PDK1: variants seen among roughly 807,000 people sequenced by gnomAD.
PDK1 encodes pyruvate dehydrogenase kinase 1.
In PDK1, 39 loss-of-function variants were observed where a neutral mutation model predicts 54.2. That is an observed-to-expected ratio of 0.72 (90% confidence interval 0.56 to 0.94). The LOEUF is 0.94. PDK1 is among the 40% of genes least tolerant of loss of function. The pLI is 0.00. For missense variants in PDK1, 552 were observed against 566.0 expected (o/e 0.98, Z 0.25); for synonymous variants, 221 against 207.1 (o/e 1.07, Z -0.58).
the PDK1 span, among the ~76,000 whole-genome samples, chr2:172,660,782 C>G: frequency 1.3e-5 from 2 of 151,974 alleles, no homozygotes; most frequent in East Asian, 3.9e-4. Flanking sequence ...GCTCGAGCCT[C>G]TCTTTGTCCA....
chr2:172,706,366 G>A, the PDK1 span, among the ~76,000 whole-genome samples: 1 of 147,778 alleles, frequency 6.8e-6, no homozygotes, highest in Non-Finnish European at 1.5e-5. Flanking sequence ...TAAAATCTTT[G>A]TCAGACAATT....
chr2:172,562,094 A>G, intron 2 of PDK1, 126 bp from the exon 3 acceptor site: 3 of 562,356 alleles, frequency 5.3e-6, no homozygotes, highest in Non-Finnish European at 9.4e-6. Flanking sequence ...TACTTCAACC[A>G]TAATTTATAG....
the PDK1 span, among the ~76,000 whole-genome samples, chr2:172,692,205 G>A: frequency 6.6e-6 from 1 of 152,172 alleles, no homozygotes; most frequent in East Asian, 1.9e-4. Flanking sequence ...GTCTTAACCT[G>A]TATGAAGAGA....
intron 8 of PDK1, among the ~76,000 whole-genome samples, chr2:172,582,554 A>T (rs1224865369): frequency 6.6e-6 from 1 of 152,224 alleles, no homozygotes; most frequent in African/African-American, 2.4e-5. Flanking sequence ...TCCTGTTGAC[A>T]TTACTTATCT....
chr2:172,673,820 T>A, the PDK1 span, among the ~76,000 whole-genome samples: 3 of 152,200 alleles, frequency 2.0e-5, no homozygotes, highest in Non-Finnish European at 4.4e-5. Flanking sequence ...TTACTCTCAA[T>A]TGGTCCCATG....
At chr2:172,622,284 TA>T in the PDK1 span, among the ~76,000 whole-genome samples, 1 of 79,926 alleles carries the variant, frequency 1.3e-5, no homozygotes, top group African/African-American at 1.0e-4. Context: ...TTATATCTCA[TA>T]TATTATGTGA....
chr2:172,570,858 T>A, intron 8 of PDK1, 34 bp downstream of exon 8: 1 of 1,291,100 alleles, frequency 7.7e-7, no homozygotes, highest in Non-Finnish European at 1.1e-6. Context: ...TTCTTTTTTT[T>A]TTTTTTGTAA....
the PDK1 span, among the ~76,000 whole-genome samples, chr2:172,675,363 C>T: frequency 5.3e-5 from 8 of 152,310 alleles, no homozygotes; most frequent in Middle Eastern, 0.014. Flanking sequence ...AGGTCCCTTG[C>T]ACCAAACAGC....
chr2:172,587,562 G>A (rs1370821901), intron 9 of PDK1, among the ~76,000 whole-genome samples: 1 of 151,992 alleles, frequency 6.6e-6, no homozygotes, highest in African/African-American at 2.4e-5. Flanking sequence ...TAAAGGTAGT[G>A]TGGACCCAAA....
intron 8 of PDK1, among the ~76,000 whole-genome samples, chr2:172,585,632 C>T (rs928895809): frequency 6.6e-6 from 1 of 152,028 alleles, no homozygotes; most frequent in Non-Finnish European, 1.5e-5. Context: ...CTTCTAGTCA[C>T]CATGCTGCCC....
chr2:172,707,241 T>C, the PDK1 span, among the ~76,000 whole-genome samples: 4 of 152,290 alleles, frequency 2.6e-5, no homozygotes, highest in Middle Eastern at 3.4e-3. Context: ...AAAGTCCTGA[T>C]CTGTACTTGG....
the PDK1 span, among the ~76,000 whole-genome samples, chr2:172,638,422 T>C: frequency 3.3e-5 from 5 of 152,190 alleles, no homozygotes; most frequent in Non-Finnish European, 5.9e-5. Flanking sequence ...AGAAACTGTT[T>C]TTGAAAATTA....
At chr2:172,658,037 A>T in the PDK1 span, among the ~76,000 whole-genome samples, 1 of 152,134 alleles carries the variant, frequency 6.6e-6, no homozygotes, top group Non-Finnish European at 1.5e-5. Context: ...CCTTCTAATG[A>T]TCAGCTCTTG....
chr2:172,667,019 G>A, the PDK1 span, among the ~76,000 whole-genome samples: 13 of 152,186 alleles, frequency 8.5e-5, no homozygotes, highest in East Asian at 5.8e-4. Flanking sequence ...GTTTTGTTAC[G>A]TGGATATATT....
the PDK1 span, among the ~76,000 whole-genome samples, chr2:172,717,555 A>C: frequency 0.088 from 13,458 of 152,160 alleles, 1,254 homozygotes; most frequent in East Asian, 0.52. Flanking sequence ...ATTAAGTTGG[A>C]CTAATTTTCT....
chr2:172,584,645 CTTT>C (rs35773197), intron 8 of PDK1, among the ~76,000 whole-genome samples: 1,888 of 90,258 alleles, frequency 0.021, 18 homozygotes, highest in Middle Eastern at 0.074. Context: ...AAGGTACATG[CTTT>C]TTTTTTTTTT....
the PDK1 span, among the ~76,000 whole-genome samples, chr2:172,685,342 T>C: frequency 1.3e-5 from 2 of 152,312 alleles, no homozygotes; most frequent in South Asian, 2.1e-4. Flanking sequence ...AATCTTATCA[T>C]CTCACTTCCA....
intron 8 of PDK1, among the ~76,000 whole-genome samples, chr2:172,575,927 GT>G (rs955643935): frequency 3.3e-5 from 5 of 152,102 alleles, no homozygotes; most frequent in African/African-American, 1.2e-4. Flanking sequence ...GTTTGTGTGT[GT>G]TTTTTTGTTT....
the PDK1 span, among the ~76,000 whole-genome samples, chr2:172,627,844 C>G: frequency 1.3e-5 from 2 of 152,282 alleles, no homozygotes; most frequent in South Asian, 2.1e-4. Context: ...GAACCCTCAC[C>G]AAACAGATCT....
Sources: allele counts gnomAD v4.1 joint callset (sites outside exome capture counted in the v4.1 genomes callset), GRCh38; gene constraint gnomAD v4.1.1; transcripts MANE v1.5; gene names NCBI Gene and HGNC (gene_info 2026-07-23, HGNC 2026-07-21).